Variants in NGF observed in about 807,000 individuals in gnomAD.
NGF encodes nerve growth factor.
Under a neutral mutation model 12.8 loss-of-function variants are expected in NGF, and 4 were observed. The ratio of observed to expected loss-of-function variants is 0.31; its 90% CI spans 0.15 to 0.72. The LOEUF (loss-of-function observed/expected upper bound fraction) is 0.72. Ranked by LOEUF, NGF falls within the 30% of genes least tolerant of loss-of-function variation. NGF has a pLI of 0.69. For synonymous variants in NGF, 140 were observed against 130.0 expected, an observed-to-expected ratio of 1.08 and a Z score of -0.52; for missense variants, 283 against 330.8, an observed-to-expected ratio of 0.86 and a Z score of 1.12.
intron 1 of NGF, among the ~76,000 whole-genome samples, chr1:115,335,100 C>T (rs369665253): frequency 3.3e-4 from 50 of 152,328 alleles, no homozygotes; most frequent in African/African-American, 1.2e-3. Context: ...GAAAACATCA[C>T]GAACCACCAG....
At chr1:115,328,558 G>T (rs956301803) in intron 1 of NGF, among the ~76,000 whole-genome samples, 2 of 152,208 alleles carry the variant, frequency 1.3e-5, no homozygotes, top group African/African-American at 4.8e-5. Flanking sequence ...TCGCTCAGGA[G>T]AAAATGTTAG....
chr1:115,335,332 G>C (rs1655078510), intron 1 of NGF, among the ~76,000 whole-genome samples: 2 of 152,174 alleles, frequency 1.3e-5, no homozygotes, highest in South Asian at 4.1e-4. Context: ...TTTTCCCACT[G>C]TTATCAAGCG....
chr1:115,337,998 C>T (rs769677137), intron 1 of NGF, among the ~76,000 whole-genome samples: 21 of 152,202 alleles, frequency 1.4e-4, no homozygotes, highest in Admixed American at 7.2e-4. Flanking sequence ...TTCCCTCGGT[C>T]CGACTCGTCC....
At chr1:115,325,327 C>T (rs1183999031) in intron 1 of NGF, among the ~76,000 whole-genome samples, 2 of 152,146 alleles carry the variant, frequency 1.3e-5, no homozygotes, top group African/African-American at 4.8e-5. Flanking sequence ...AGATTTCCTC[C>T]ACCCCAGAAC....
chr1:115,338,138 C>G (rs966770908), intron 1 of NGF, 66 bp downstream of exon 1: 2 of 152,748 alleles, frequency 1.3e-5, no homozygotes, highest in African/African-American at 4.8e-5. Flanking sequence ...CCCGCGAAGC[C>G]CAGCCACCCC....
chr1:115,336,598 C>T (rs1420804317), intron 1 of NGF, among the ~76,000 whole-genome samples: 1 of 152,162 alleles, frequency 6.6e-6, no homozygotes, highest in African/African-American at 2.4e-5. Flanking sequence ...ACAAAAGAGA[C>T]CCATCAGGTT....
At chr1:115,287,301 A>C (rs1653542718) in intron 2 of NGF, among the ~76,000 whole-genome samples, 1 of 152,162 alleles carries the variant, frequency 6.6e-6, no homozygotes. Context: ...ACATGTCTTG[A>C]AGCCTCAGAA....
intron 2 of NGF, among the ~76,000 whole-genome samples, chr1:115,292,664 C>T (rs1005721714): frequency 6.6e-6 from 1 of 152,168 alleles, no homozygotes; most frequent in East Asian, 1.9e-4. Context: ...AGGAGAGAGG[C>T]CTGAAGCCGT....
intron 1 of NGF, among the ~76,000 whole-genome samples, chr1:115,306,777 G>C (rs760371985): frequency 1.1e-4 from 16 of 152,202 alleles, no homozygotes; most frequent in Non-Finnish European, 2.1e-4. Context: ...AGAATAGTGA[G>C]TATGATGGTG....
intron 1 of NGF, among the ~76,000 whole-genome samples, chr1:115,302,291 C>T (rs916645667): frequency 6.6e-6 from 1 of 152,186 alleles, no homozygotes; most frequent in African/African-American, 2.4e-5. Context: ...CACAGAGGAA[C>T]TAAGAATCTA....
chr1:115,337,689 C>T (rs935831643), intron 1 of NGF, among the ~76,000 whole-genome samples: 2 of 152,092 alleles, frequency 1.3e-5, no homozygotes, highest in Non-Finnish European at 2.9e-5. Context: ...TCTAGCGCGC[C>T]CCGTTCCGCT....
intron 1 of NGF, among the ~76,000 whole-genome samples, chr1:115,333,088 C>A (rs1238141350): frequency 1.3e-5 from 2 of 152,180 alleles, no homozygotes; most frequent in South Asian, 4.1e-4. Flanking sequence ...CAGTCTCCCC[C>A]ACCCCCTAAC....
chr1:115,331,026 G>A (rs1393718248), intron 1 of NGF, among the ~76,000 whole-genome samples: 4 of 152,098 alleles, frequency 2.6e-5, no homozygotes, highest in Admixed American at 1.3e-4. Flanking sequence ...CAGACCTCCT[G>A]TGCTTTTCCT....
intron 1 of NGF, among the ~76,000 whole-genome samples, chr1:115,298,360 AC>A (rs1557937960): frequency 6.6e-6 from 1 of 152,204 alleles, no homozygotes. Flanking sequence ...TGCATTCCAT[AC>A]TAGAAAAGAT....
chr1:115,293,589 GAGGACCTTGGCAAGGC>G (rs1413354673), intron 2 of NGF, 22 bp downstream of exon 2: 2 of 152,736 alleles, frequency 1.3e-5, no homozygotes, highest in African/African-American at 4.8e-5. Context: ...GCTGCAGAGG[GAGGACCTTGGCAAGGC>G]CAAGGTCCCT....
At chr1:115,317,375 G>C (rs1277266788) in intron 1 of NGF, among the ~76,000 whole-genome samples, 2 of 152,198 alleles carry the variant, frequency 1.3e-5, no homozygotes, top group African/African-American at 2.4e-5. Flanking sequence ...CAATAGAAGA[G>C]AGTAGTTGCT....
intron 1 of NGF, among the ~76,000 whole-genome samples, chr1:115,303,079 A>C (rs1334638646): frequency 6.6e-6 from 1 of 152,216 alleles, no homozygotes; most frequent in Non-Finnish European, 1.5e-5. Context: ...AAATTTAAGA[A>C]ATAAAAAACC....
At chr1:115,330,949 C>T (rs983645614) in intron 1 of NGF, among the ~76,000 whole-genome samples, 4 of 152,092 alleles carry the variant, frequency 2.6e-5, no homozygotes, top group Non-Finnish European at 5.9e-5. Flanking sequence ...TGACAAAGGG[C>T]AACTGGGCAA....
At chr1:115,295,607 C>A (rs1227500390) in intron 1 of NGF, among the ~76,000 whole-genome samples, 2 of 152,168 alleles carry the variant, frequency 1.3e-5, no homozygotes, top group East Asian at 3.9e-4. Flanking sequence ...AACCCACACA[C>A]CTGCATTCTG....
Sources: gnomAD v4.1 joint callset for allele counts (sites outside exome capture counted in the v4.1 genomes callset) on GRCh38, gnomAD v4.1.1 for gene constraint, MANE v1.5 for transcripts, NCBI Gene and HGNC (gene_info 2026-07-23, HGNC 2026-07-21) for gene names.